Variants in NREP observed in about 807,000 individuals in gnomAD.
The protein encoded by NREP is neuronal regeneration-related protein.
NREP carries 5 observed loss-of-function variants against 8.6 expected under a neutral mutation model. The ratio of observed to expected loss-of-function variants is 0.58; its 90% CI spans 0.30 to 1.22. The LOEUF (loss-of-function observed/expected upper bound fraction) is 1.22. NREP is among the 50% of genes most tolerant of loss of function. NREP has a pLI of 0.07. For synonymous variants in NREP, 27 were observed against 28.0 expected, an observed-to-expected ratio of 0.96 and a Z score of 0.11; for missense variants, 86 against 82.5, an observed-to-expected ratio of 1.04 and a Z score of -0.17.
intron 2 of NREP, among the ~76,000 whole-genome samples, chr5:111,837,276 C>A (rs1015962074): frequency 2.0e-5 from 3 of 151,892 alleles, no homozygotes; most frequent in Non-Finnish European, 4.4e-5. Flanking sequence ...CAAGGTAAGT[C>A]TGGGATGTAT....
At chr5:111,967,408 T>A (rs1034479775) in intron 2 of NREP, among the ~76,000 whole-genome samples, 1 of 152,222 alleles carries the variant, frequency 6.6e-6, no homozygotes, top group Non-Finnish European at 1.5e-5. Flanking sequence ...TCCTGATTAA[T>A]TTTTTTCAGA....
chr5:111,845,139 G>T (rs913405126), intron 2 of NREP, among the ~76,000 whole-genome samples: 1 of 152,082 alleles, frequency 6.6e-6, no homozygotes, highest in African/African-American at 2.4e-5. Context: ...TTGTGCTAGG[G>T]TCTAAGGTGA....
chr5:111,942,295 CT>C (rs1755851341), intron 2 of NREP, among the ~76,000 whole-genome samples: 1 of 151,922 alleles, frequency 6.6e-6, no homozygotes, highest in Non-Finnish European at 1.5e-5. Flanking sequence ...GATTCATATT[CT>C]GAATTTTCTC....
intron 2 of NREP, among the ~76,000 whole-genome samples, chr5:111,927,707 T>C (rs1755427716): frequency 6.6e-6 from 1 of 152,184 alleles, no homozygotes; most frequent in South Asian, 2.1e-4. Context: ...TAAGCTCTAA[T>C]CAAGGCCTCA....
intron 2 of NREP, among the ~76,000 whole-genome samples, chr5:111,794,492 G>C (rs1340830207): frequency 6.6e-6 from 1 of 152,186 alleles, no homozygotes; most frequent in East Asian, 1.9e-4. Context: ...ATTATCCCGT[G>C]TTAATAAGAA....
At chr5:111,758,646 CT>C (rs1189247680), upstream of NREP, among the ~76,000 whole-genome samples, 1 of 152,144 alleles carries the variant, frequency 6.6e-6, no homozygotes, top group Non-Finnish European at 1.5e-5. Context: ...ACTTTTTCCC[CT>C]AATCACTGAA....
intron 2 of NREP, among the ~76,000 whole-genome samples, chr5:111,862,975 G>T (rs760774963): frequency 6.6e-6 from 1 of 150,690 alleles, no homozygotes; most frequent in South Asian, 2.1e-4. Flanking sequence ...GAAATATCTC[G>T]ATACTGCTTC....
At chr5:111,852,671 G>C (rs1753338980) in intron 2 of NREP, among the ~76,000 whole-genome samples, 1 of 152,044 alleles carries the variant, frequency 6.6e-6, no homozygotes, top group Admixed American at 6.6e-5. Flanking sequence ...TGGGGGAGGG[G>C]GTGTGTATGT....
At chr5:111,957,356 T>A (rs535540870) in intron 2 of NREP, among the ~76,000 whole-genome samples, 5 of 152,104 alleles carry the variant, frequency 3.3e-5, no homozygotes, top group African/African-American at 1.2e-4. Flanking sequence ...TAAAATATTT[T>A]AAAAATCTCA....
At chr5:111,799,414 G>A (rs1184801286) in intron 2 of NREP, among the ~76,000 whole-genome samples, 2 of 152,128 alleles carry the variant, frequency 1.3e-5, no homozygotes, top group African/African-American at 4.8e-5. Context: ...GGATGTGTTT[G>A]TTTCCCAGAA....
intron 2 of NREP, among the ~76,000 whole-genome samples, chr5:111,794,769 A>G (rs1751837637): frequency 6.6e-6 from 1 of 152,116 alleles, no homozygotes; most frequent in Non-Finnish European, 1.5e-5. Flanking sequence ...GCCATTACAC[A>G]TTTGTCTATA....
At chr5:111,758,140 G>T, upstream of NREP, 1 of 985,484 alleles carries the variant, frequency 1.0e-6, no homozygotes, top group Non-Finnish European at 1.2e-6. Flanking sequence ...GGGTACGCGC[G>T]CCCCACTCCC....
intron 2 of NREP, among the ~76,000 whole-genome samples, chr5:111,889,666 T>C (rs751371578): frequency 6.6e-6 from 1 of 152,160 alleles, no homozygotes; most frequent in Non-Finnish European, 1.5e-5. Context: ...GTTATTTGCT[T>C]TCAAGATATA....
intron 2 of NREP, among the ~76,000 whole-genome samples, chr5:111,856,898 A>G (rs1753439301): frequency 6.6e-6 from 1 of 152,160 alleles, no homozygotes; most frequent in Non-Finnish European, 1.5e-5. Context: ...TGCTTTCAAC[A>G]TGCAGTTGTC....
At chr5:111,831,494 G>A (rs901389615) in intron 2 of NREP, among the ~76,000 whole-genome samples, 3 of 152,030 alleles carry the variant, frequency 2.0e-5, no homozygotes, top group Admixed American at 6.5e-5. Flanking sequence ...TGGGCTTTTC[G>A]CTCTTCTCAT....
intron 2 of NREP, among the ~76,000 whole-genome samples, chr5:111,741,602 C>G (rs1749668893): frequency 6.6e-6 from 1 of 152,124 alleles, no homozygotes; most frequent in African/African-American, 2.4e-5. Context: ...AGAGATCTGC[C>G]TAACCTTGTG....
At chr5:111,846,923 C>T (rs1442442191) in intron 2 of NREP, among the ~76,000 whole-genome samples, 3 of 152,074 alleles carry the variant, frequency 2.0e-5, no homozygotes, top group African/African-American at 7.2e-5. Flanking sequence ...CATTCATTCA[C>T]GTATTGATCA....
chr5:111,829,720 G>A (rs999599111), intron 2 of NREP, among the ~76,000 whole-genome samples: 3 of 152,280 alleles, frequency 2.0e-5, no homozygotes, highest in Admixed American at 1.3e-4. Context: ...CTTCTGAGCT[G>A]AGGGATAATA....
chr5:111,865,260 A>G (rs934316656), intron 2 of NREP, among the ~76,000 whole-genome samples: 3 of 152,178 alleles, frequency 2.0e-5, no homozygotes, highest in Non-Finnish European at 4.4e-5. Context: ...AATTTTTTCT[A>G]AAGTGTATCA....
Sources: allele counts gnomAD v4.1 joint callset (sites outside exome capture counted in the v4.1 genomes callset), GRCh38; gene constraint gnomAD v4.1.1; transcripts MANE v1.5; gene names NCBI Gene and HGNC (gene_info 2026-07-23, HGNC 2026-07-21).